POLQ: variants seen among roughly 807,000 people sequenced by gnomAD.
POLQ encodes the protein DNA polymerase theta, also known as epididymis secretory sperm binding protein.
Under a neutral mutation model 259.2 loss-of-function variants are expected in POLQ, and 233 were observed. The ratio of observed to expected loss-of-function variants is 0.90; its 90% CI spans 0.81 to 1.00. The LOEUF is 1.00. Among genes scored for constraint, POLQ ranks in the 50% least tolerant of loss-of-function variants. POLQ has a pLI of 0.00. For synonymous variants in POLQ, 1,025 were observed against 1,048.8 expected, an observed-to-expected ratio of 0.98 and a Z score of 0.44; for missense variants, 2,871 against 3,051.6, an observed-to-expected ratio of 0.94 and a Z score of 1.39.
At chr3:121,496,639 G>A (rs1412952384) in intron 14 of POLQ, among the ~76,000 whole-genome samples, 169 bp downstream of exon 14, 1 of 152,132 alleles carries the variant, frequency 6.6e-6, no homozygotes, top group African/African-American at 2.4e-5. Context: ...ACATGGTACT[G>A]AGCCCTGAGG....
At chr3:121,465,090 CTTTT>C (rs527974666) in intron 24 of POLQ, among the ~76,000 whole-genome samples, 2 of 141,066 alleles carry the variant, frequency 1.4e-5, no homozygotes. Flanking sequence ...TTTCTTTTTT[CTTTT>C]TTTTTTTTTT....
At chr3:121,539,368 C>G in intron 4 of POLQ, 65 bp downstream of exon 4, 1 of 1,269,970 alleles carries the variant, frequency 7.9e-7, no homozygotes. Context: ...GAAATCACAA[C>G]AGCTCCACTT....
chr3:121,491,326 G>T (rs2048066703), intron 15 of POLQ, among the ~76,000 whole-genome samples: 1 of 137,898 alleles, frequency 7.3e-6, no homozygotes, highest in Non-Finnish European at 1.5e-5. Context: ...GCACTCCAGG[G>T]CGACAGAGCG....
At chr3:121,482,016 A>G in intron 18 of POLQ, among the ~76,000 whole-genome samples, 1 of 152,212 alleles carries the variant, frequency 6.6e-6, no homozygotes, top group East Asian at 1.9e-4. Flanking sequence ...GTAGCTTTCA[A>G]AGAAAGGAAA....
chr3:121,477,668 T>C (rs2047938463), intron 19 of POLQ, among the ~76,000 whole-genome samples: 3 of 152,292 alleles, frequency 2.0e-5, no homozygotes, highest in South Asian at 2.1e-4. Context: ...TAAGCATCCA[T>C]GGAATGTACT....
At chr3:121,484,476 G>C (rs2047994367) in intron 17 of POLQ, among the ~76,000 whole-genome samples, 1 of 152,156 alleles carries the variant, frequency 6.6e-6, no homozygotes, top group African/African-American at 2.4e-5. Flanking sequence ...AGTCTTCACT[G>C]CCCCCTCAGA....
At chr3:121,534,896 C>T (rs995453103) in intron 5 of POLQ, among the ~76,000 whole-genome samples, 1 of 152,122 alleles carries the variant, frequency 6.6e-6, no homozygotes, top group Non-Finnish European at 1.5e-5. Flanking sequence ...GCTAAATTCA[C>T]TATTGTTAGA....
rs1560105619 is a variant in POLQ at position 121,520,015 on chromosome 3, C to A, written c.1324G>T (p.Ala442Ser). ...ACCCCAGAAGAAAGAGTAGAAGTTG[C>A]CGCCAAGACCCGAATGAGACCTTGA... ...FRQGLIRVLAATSTLSSGVNL... is the reference protein window; with the variant it reads ...FRQGLIRVLASTSTLSSGVNL... Residue 442 changes from alanine (A) to serine (S), a missense_variant, in exon 9 of 30, where the codon GCA becomes TCA. This residue lies in a region of POLQ where 783 missense variants were observed against 906.2 expected (regional missense o/e 0.86). Transcript: ENST00000264233. 6.2e-7 allele frequency: 1 copy of A among 1,613,260 alleles called. No homozygotes were observed. The highest frequency in any genetic ancestry group is 1.7e-5 in the Admixed American group (1 of 60,014).
At chr3:121,433,071 C>T (rs763130829) in intron 28 of POLQ, 38 bp from the exon 29 acceptor site, 5 of 1,084,494 alleles carry the variant, frequency 4.6e-6, no homozygotes, top group African/African-American at 1.5e-5. Context: ...ATCAGCATGT[C>T]GCTAAGTCAT....
rs180860612 is a variant in POLQ at position 121,534,614 on chromosome 3, C to T, written c.741-1405G>A. 1.1e-3 allele frequency among the ~76,000 whole-genome samples: 173 copies of T among 152,332 alleles called. 1 individual carries two copies. Among genetic ancestry groups the T allele is most frequent in the Non-Finnish European group, 5.1e-4 (35 of 68,030 alleles). ...GGGATTACAGGCATGAGCCACCATGCTTGGCCTTTTTTCTAAGTTATTGGG... is the reference window on the plus strand; with the variant it reads ...GGGATTACAGGCATGAGCCACCATGTTTGGCCTTTTTTCTAAGTTATTGGG... On this transcript the variant is annotated intron_variant, in intron 5 of 29. Transcript: ENST00000264233.
At chr3:121,523,317 C>T (rs1371552486) in intron 7 of POLQ, among the ~76,000 whole-genome samples, 1 of 152,148 alleles carries the variant, frequency 6.6e-6, no homozygotes, top group Non-Finnish European at 1.5e-5. Context: ...ACCACCCAGC[C>T]TTAACTTTCT....
At chr3:121,454,637 G>C (rs2047715096) in intron 25 of POLQ, among the ~76,000 whole-genome samples, 1 of 152,046 alleles carries the variant, frequency 6.6e-6, no homozygotes, top group Non-Finnish European at 1.5e-5. Flanking sequence ...AGACAAAGAA[G>C]GCCATTACAT....
At chr3:121,501,248 C>A (rs2048165014) in intron 12 of POLQ, among the ~76,000 whole-genome samples, 1 of 151,966 alleles carries the variant, frequency 6.6e-6, no homozygotes, top group Non-Finnish European at 1.5e-5. Context: ...GCATGAGCTA[C>A]CACGCCCAGC....
intron 24 of POLQ, among the ~76,000 whole-genome samples, chr3:121,464,374 A>AAAC (rs546308986): frequency 2.0e-4 from 30 of 152,136 alleles, no homozygotes; most frequent in South Asian, 1.2e-3. Flanking sequence ...TCTCTACCAA[A>AAAC]AACAACAACA....
chr3:121,510,517 C>T (rs1050281679), intron 10 of POLQ, among the ~76,000 whole-genome samples: 8 of 151,940 alleles, frequency 5.3e-5, no homozygotes, highest in Admixed American at 2.0e-4. Flanking sequence ...GCGAAGCTTG[C>T]GGTGAGCCAA....
chr3:121,494,451 T>A (rs890108910), intron 14 of POLQ: 10 of 1,514,324 alleles, frequency 6.6e-6, no homozygotes, highest in Non-Finnish European at 9.1e-6. Context: ...CAGAGGCTGT[T>A]GGCCTGGGCC....
intron 26 of POLQ, among the ~76,000 whole-genome samples, chr3:121,445,836 C>A (rs2108776387): frequency 6.6e-6 from 1 of 151,260 alleles, no homozygotes; most frequent in East Asian, 2.0e-4. Flanking sequence ...GCCCACCAGC[C>A]TGGGTGACAG....
intron 3 of POLQ, among the ~76,000 whole-genome samples, chr3:121,540,492 G>A (rs2048482430): frequency 6.6e-6 from 1 of 152,070 alleles, no homozygotes; most frequent in Non-Finnish European, 1.5e-5. Flanking sequence ...ATAAAATATT[G>A]TATTTGTGAA....
Position 121,488,649 on chromosome 3 carries a change from G to T in POLQ, c.4282C>A (p.Leu1428Ile). 1 of 1,602,422 alleles carries T rather than the reference G, an allele frequency of 6.2e-7. No homozygotes were observed. The highest frequency in any genetic ancestry group is 1.1e-5 in the South Asian group (1 of 88,084). The change falls in exon 16 of 30, where the codon CTT becomes ATT. Residue 1428 changes from leucine to isoleucine, a missense_variant. By Grantham distance (5) the Leu-to-Ile change is conservative. Around this residue, in one of 3 missense-constraint regions of POLQ, gnomAD observed 2,080 missense variants for 2,126.0 expected, o/e 0.98. Coordinates refer to ENST00000264233, the MANE Select transcript of POLQ (RefSeq NM_199420.4). Reference sequence around the variant, plus strand: ...GAAACTTCATTCTTTTTTAAAAAAAGACCATTTTCCTCCAATAGTATTGGA... The same window carrying T: ...GAAACTTCATTCTTTTTTAAAAAAATACCATTTTCCTCCAATAGTATTGGA... Reference protein sequence around the residue: ...HSPILLEENGLFLKKNEVSVT... With the variant: ...HSPILLEENGIFLKKNEVSVT...
Sources: gnomAD v4.1 joint callset for allele counts (sites outside exome capture counted in the v4.1 genomes callset) on GRCh38, gnomAD v4.1.1 for gene constraint, gnomAD v4.1.1 regional missense constraint, MANE v1.5 for transcripts, NCBI Gene and HGNC (gene_info 2026-07-23, HGNC 2026-07-21) for gene names.